The following TBC1D1 variants were observed in gnomAD, a reference collection of about 807,000 sequenced individuals.
TBC1D1 encodes TBC1 domain family member 1, also known as TBC1 (tre-2/USP6, BUB2, cdc16) domain family, member 1.
A neutral mutation model predicts 125.6 loss-of-function variants in TBC1D1; 89 were observed. The ratio of observed to expected loss-of-function variants is 0.71; its 90% confidence interval spans 0.60 to 0.85. TBC1D1 has a LOEUF of 0.85. Among genes scored for constraint, TBC1D1 ranks in the 40% least tolerant of loss-of-function variants. The pLI, the probability that TBC1D1 is intolerant of heterozygous loss-of-function variation, is 0.00. For missense variants in TBC1D1, 1,377 were observed against 1,469.2 expected, an observed-to-expected ratio of 0.94 and a Z score of 1.03; for synonymous variants, 565 against 564.1, an observed-to-expected ratio of 1.00 and a Z score of -0.02.
intron 2 of TBC1D1, among the ~76,000 whole-genome samples, chr4:37,956,750 C>T (rs1168493320): frequency 6.6e-6 from 1 of 151,948 alleles, no homozygotes; most frequent in Non-Finnish European, 1.5e-5. Flanking sequence ...AGTTCAAGAC[C>T]AGCCTGGCCA....
At position 37,902,307 on chromosome 4, in the gene TBC1D1, C is replaced by T. The variant is rs1285525919; in HGVS notation, c.212C>T (p.Ser71Phe). The T allele has an allele frequency of 1.2e-6, 2 of 1,614,124 alleles. No individual in the cohort carries two copies. Among genetic ancestry groups the T allele is most frequent in the East Asian group, 4.5e-5 (2 of 44,876 alleles). ...CAAGTCCGGCTTTGCGTTTCACCCT[C>T]TGGACTGAGATGTGAACCTGAGCCA... Residue 71 changes from serine (S) to phenylalanine (F), a missense_variant, in exon 2 of 20, where the codon TCT becomes TTT. Physicochemically the swap from Ser to Phe is radical, Grantham distance 155. Around this residue, in one of 3 missense-constraint regions of TBC1D1, gnomAD observed 822 missense variants for 824.6 expected, o/e 1.00. Transcript: ENST00000261439.
intron 2 of TBC1D1, among the ~76,000 whole-genome samples, chr4:37,921,921 G>C (rs2152274246): frequency 6.6e-6 from 1 of 151,882 alleles, no homozygotes; most frequent in South Asian, 2.1e-4. Context: ...AAAAATTGTA[G>C]AGACAGCTTC....
At chr4:38,045,960 C>G (rs1250187607) in intron 10 of TBC1D1, 57 bp downstream of exon 10, 2 of 1,445,994 alleles carry the variant, frequency 1.4e-6, no homozygotes, top group Non-Finnish European at 1.9e-6. Context: ...AGGTCTTGCT[C>G]ATCTCCTGTC....
intron 2 of TBC1D1, among the ~76,000 whole-genome samples, chr4:37,919,620 T>C (rs1720498905): frequency 6.6e-6 from 1 of 152,180 alleles, no homozygotes; most frequent in African/African-American, 2.4e-5. Context: ...AAATAAGTAA[T>C]GTAAATGCAG....
At chr4:38,025,068 G>A (rs1744803438) in intron 6 of TBC1D1, among the ~76,000 whole-genome samples, 1 of 152,066 alleles carries the variant, frequency 6.6e-6, no homozygotes, top group African/African-American at 2.4e-5. Flanking sequence ...TTTTAAAAGA[G>A]GAGCATTCAT....
chr4:38,137,889 T>C lies in TBC1D1; in HGVS notation c.*554T>C, dbSNP rs1766900753. The C allele has an allele frequency of 6.5e-6, 1 of 152,736 alleles. No homozygotes were observed. The highest frequency in any genetic ancestry group is 2.1e-4 in the South Asian group (1 of 4,832). 9.5% of individuals were successfully genotyped at this position (152,736 alleles called of 1,614,324 possible). A position where few individuals can be genotyped will look rare whatever the true frequency, so the allele number is the denominator to read the frequency against. ...ATCCCTGGCTCAGAGGATAGCGGTT[T>C]CCATCATAAACCAAGATGATGAGTT... On this transcript the variant is annotated 3_prime_UTR_variant, in exon 20 of 20. Coordinates refer to ENST00000261439, the MANE Select transcript of TBC1D1 (RefSeq NM_015173.4).
At chr4:37,916,928 G>A (rs573490242) in intron 2 of TBC1D1, among the ~76,000 whole-genome samples, 4 of 151,878 alleles carry the variant, frequency 2.6e-5, no homozygotes, top group Admixed American at 2.0e-4. Flanking sequence ...ATGCTACCAC[G>A]CCCAGCTAAT....
At chr4:38,128,921 A>G (rs777878430) in intron 18 of TBC1D1, among the ~76,000 whole-genome samples, 10 of 152,214 alleles carry the variant, frequency 6.6e-5, no homozygotes, top group Non-Finnish European at 1.5e-4. Context: ...GTGAAGTCTC[A>G]GCTCAGTTTA....
intron 7 of TBC1D1, among the ~76,000 whole-genome samples, chr4:38,033,612 C>T (rs1009403477): frequency 6.6e-6 from 1 of 152,110 alleles, no homozygotes; most frequent in Non-Finnish European, 1.5e-5. Flanking sequence ...GTTCTGTATT[C>T]TGTGGGTTGT....
chr4:37,949,137 C>T (rs571999840), intron 2 of TBC1D1, among the ~76,000 whole-genome samples: 2 of 152,312 alleles, frequency 1.3e-5, no homozygotes, highest in African/African-American at 4.8e-5. Flanking sequence ...AGGCATATAT[C>T]AATCACAGGC....
intron 1 of TBC1D1, among the ~76,000 whole-genome samples, chr4:37,899,578 C>A (rs907581150): frequency 6.6e-6 from 1 of 151,710 alleles, no homozygotes; most frequent in Non-Finnish European, 1.5e-5. Context: ...TGGGCTCTAG[C>A]GGATAAATGT....
chr4:38,133,054 A>T (rs1189894774), intron 18 of TBC1D1, 30 bp from the exon 21 acceptor site: 1 of 1,592,936 alleles, frequency 6.3e-7, no homozygotes, highest in African/African-American at 1.4e-5. Context: ...TCTCAGTTTT[A>T]GTACGTGATG....
At chr4:37,959,499 C>T (rs1368706717) in intron 2 of TBC1D1, among the ~76,000 whole-genome samples, 2 of 151,988 alleles carry the variant, frequency 1.3e-5, no homozygotes, top group African/African-American at 4.8e-5. Flanking sequence ...AGGTGGCAGC[C>T]GCAGAAGAAA....
chr4:37,911,374 C>T (rs1718601661), intron 2 of TBC1D1, among the ~76,000 whole-genome samples: 1 of 152,172 alleles, frequency 6.6e-6, no homozygotes, highest in Non-Finnish European at 1.5e-5. Flanking sequence ...GGTCTGTCAG[C>T]TTCAACCCAC....
At chr4:37,967,413 T>C (rs1399145049) in intron 2 of TBC1D1, among the ~76,000 whole-genome samples, 3 of 151,612 alleles carry the variant, frequency 2.0e-5, no homozygotes, top group Non-Finnish European at 4.4e-5. Context: ...GAGAATCGCT[T>C]GAGCCTGGGA....
chr4:38,134,085 A>C (rs1407064572), intron 19 of TBC1D1, among the ~76,000 whole-genome samples: 1 of 152,138 alleles, frequency 6.6e-6, no homozygotes, highest in Non-Finnish European at 1.5e-5. Context: ...TGTTTTTAAA[A>C]GTTGTTTTTG....
At chr4:38,017,732 G>T (rs891275627) in intron 3 of TBC1D1, among the ~76,000 whole-genome samples, 2 of 152,210 alleles carry the variant, frequency 1.3e-5, no homozygotes, top group African/African-American at 2.4e-5. Flanking sequence ...AACCCAAGAA[G>T]CTTAGCGCTC....
intron 2 of TBC1D1, among the ~76,000 whole-genome samples, chr4:37,916,917 C>T (rs902847980): frequency 2.6e-5 from 4 of 151,878 alleles, no homozygotes; most frequent in African/African-American, 9.7e-5. Context: ...ATTAGAGGCA[C>T]ATGCTACCAC....
At chr4:38,045,970 C>CA (rs1560683440) in intron 10 of TBC1D1, 67 bp downstream of exon 10, 1 of 1,337,566 alleles carries the variant, frequency 7.5e-7, no homozygotes, top group East Asian at 2.3e-5. Context: ...CATCTCCTGT[C>CA]TACATACCTC....
Sources: gnomAD v4.1 joint callset for allele counts (sites outside exome capture counted in the v4.1 genomes callset) on GRCh38, gnomAD v4.1.1 for gene constraint, gnomAD v4.1.1 regional missense constraint, MANE v1.5 for transcripts, NCBI Gene and HGNC (gene_info 2026-07-23, HGNC 2026-07-21) for gene names.